TTC6: variants seen among roughly 807,000 people sequenced by gnomAD.
TTC6 encodes the protein tetratricopeptide repeat protein 6.
In TTC6, 172 loss-of-function variants were observed where a neutral mutation model predicts 210.4. The observed-to-expected ratio is 0.82, with a 90% CI of 0.72 to 0.93. TTC6 has a LOEUF of 0.93. Among genes scored for constraint, TTC6 ranks in the 40% least tolerant of loss-of-function variants. The pLI, the probability that TTC6 is intolerant of heterozygous loss-of-function variation, is 0.00. For missense variants in TTC6, 2,414 were observed against 2,318.1 expected (o/e 1.04, Z -0.85); for synonymous variants, 804 against 819.6 (o/e 0.98, Z 0.32).
rs537170009 is a variant in TTC6, at chr14:37,688,012, C to G, written c.1257+5048C>G. Among the ~76,000 whole-genome samples the G allele has an allele frequency of 4.6e-5, 7 of 152,230 alleles. No homozygotes were observed. In the South Asian group the frequency reaches 1.4e-3, roughly 32 times the overall value. ...GCTCTTGGGGTCCTTGAGTCCAGGA[C>G]TTGGCTCTTGTACACCATTTCTGGA... On this transcript the variant is annotated intron_variant, in intron 3 of 30. Coordinates refer to ENST00000553443, the Ensembl canonical transcript of TTC6.
intron 4 of TTC6, among the ~76,000 whole-genome samples, chr14:37,698,066 A>C (rs2095818053): frequency 6.6e-6 from 1 of 152,204 alleles, no homozygotes; most frequent in African/African-American, 2.4e-5. Context: ...AATTCATTAA[A>C]ACAAAAATTA....
chr14:37,709,230 G>T (rs1459439800), intron 5 of TTC6, among the ~76,000 whole-genome samples: 4 of 152,040 alleles, frequency 2.6e-5, no homozygotes. Flanking sequence ...GGTGATACAT[G>T]TCACAGAAGT....
chr14:37,827,066 TG>T, intron 28 of TTC6, 129 bp from the exon 31 acceptor site: 1 of 651,590 alleles, frequency 1.5e-6, no homozygotes, highest in Non-Finnish European at 2.4e-6. Context: ...TTTGTTCTAC[TG>T]GAGTTTTACA....
chr14:37,721,362 A>G (rs1392901137), intron 6 of TTC6, among the ~76,000 whole-genome samples: 1 of 152,206 alleles, frequency 6.6e-6, no homozygotes, highest in Non-Finnish European at 1.5e-5. Flanking sequence ...AGTATAATAC[A>G]CAATATCAAA....
intron 1 of TTC6, among the ~76,000 whole-genome samples, chr14:37,602,161 T>C (rs180881912): frequency 2.0e-5 from 3 of 152,310 alleles, no homozygotes; most frequent in African/African-American, 7.2e-5. Flanking sequence ...GCGCACCGAG[T>C]GTCACAGAAG....
At chr14:37,803,343 T>G (rs1461441364) in intron 20 of TTC6, among the ~76,000 whole-genome samples, 1 of 152,182 alleles carries the variant, frequency 6.6e-6, no homozygotes, top group African/African-American at 2.4e-5. Context: ...AAAAAATTTT[T>G]TTGAATTATA....
At chr14:37,811,500 GA>G (rs2096129504) in intron 24 of TTC6, among the ~76,000 whole-genome samples, 1 of 152,146 alleles carries the variant, frequency 6.6e-6, no homozygotes. Flanking sequence ...GGCATAATAA[GA>G]TTTAGCCCTT....
chr14:37,722,495 A>T (rs966459388), intron 6 of TTC6, among the ~76,000 whole-genome samples: 3 of 152,152 alleles, frequency 2.0e-5, no homozygotes, highest in Non-Finnish European at 4.4e-5. Context: ...CTACAGGCAC[A>T]TGCCATTACA....
At chr14:37,622,274 C>G (rs1337539071) in exon 1 of TTC6, 3 of 1,535,122 alleles carry the variant, frequency 2.0e-6, no homozygotes, top group African/African-American at 2.7e-5. Flanking sequence ...GCGCCGCAGC[C>G]CGGACGTCGA....
exon 1 of TTC6, chr14:37,622,470 C>G: frequency 6.5e-7 from 1 of 1,535,260 alleles, no homozygotes. Context: ...CCTGAAAAAG[C>G]CCCCAGTCAT....
chr14:37,790,714 A>G lies in TTC6; in HGVS notation c.3437-3A>G. 2 of 1,531,660 alleles carry G rather than the reference A, an allele frequency of 1.3e-6. No homozygotes were observed. Among genetic ancestry groups the G allele is most frequent in the Non-Finnish European group, 1.7e-6 (2 of 1,143,602 alleles). 94.9% of individuals were successfully genotyped at this position (1,531,660 alleles called of 1,614,324 possible). ...TGAAATACATTTTTTTAAACTTTTTAAGCACTCATAAATGATGGCTATGAG... is the reference window on the plus strand; with the variant it reads ...TGAAATACATTTTTTTAAACTTTTTGAGCACTCATAAATGATGGCTATGAG... On this transcript the variant is annotated splice_region_variant and splice_polypyrimidine_tract_variant and intron_variant, in intron 15 of 30. Coordinates refer to ENST00000553443, the Ensembl canonical transcript of TTC6.
At chr14:37,735,832 A>G in intron 7 of TTC6, 89 bp from the exon 10 acceptor site, 1 of 697,922 alleles carries the variant, frequency 1.4e-6, no homozygotes, top group South Asian at 2.3e-5. Flanking sequence ...TTCTTTTGTT[A>G]ATAATGTTGT....
At chr14:37,768,784 A>G (rs2096007668) in intron 14 of TTC6, among the ~76,000 whole-genome samples, 1 of 152,088 alleles carries the variant, frequency 6.6e-6, no homozygotes, top group East Asian at 1.9e-4. Flanking sequence ...CTAATTGAAT[A>G]CCCTTTATTT....
rs771111924 is a variant in TTC6 at position 37,812,376 on chromosome 14, C to T, written c.4632C>T (p.Thr1544=). 1.6e-5 allele frequency: 26 copies of T among 1,613,158 alleles called. No individual in the cohort carries two copies. In the South Asian group the frequency reaches 2.9e-4, roughly 18 times the overall value. Residue 1544 remains threonine (T), a synonymous_variant, in exon 25 of 31, where the codon ACC becomes ACT. Coordinates refer to ENST00000553443, the Ensembl canonical transcript of TTC6. ...CTACAGAAACTGTAAAACTAAATAC[C>T]TTCCTTAATCGTGGACTCATCTACG...
rs192695225 is a variant in TTC6, at chr14:37,826,182, A to G, written c.4975-13A>G. ...AGTATTTCCTACTTCGTGTAATTGG[A>G]AAATTATTTTAGGCCCAAGGAAAAT... On this transcript the variant is annotated splice_polypyrimidine_tract_variant and intron_variant, in intron 27 of 30. Transcript: ENST00000553443. The G allele has an allele frequency of 2.5e-6, 4 of 1,570,508 alleles. No homozygotes were observed. The East Asian group carries it at 9.0e-5, about 35-fold the overall frequency.
At chr14:37,714,618 C>T (rs1196516462) in intron 5 of TTC6, 37 bp from the exon 8 acceptor site, 1 of 1,516,530 alleles carries the variant, frequency 6.6e-7, no homozygotes, top group Non-Finnish European at 8.8e-7. Flanking sequence ...TTGTCAATTA[C>T]TTAAAAAGCA....
intron 14 of TTC6, among the ~76,000 whole-genome samples, chr14:37,769,625 A>G (rs540585629): frequency 6.6e-6 from 1 of 152,166 alleles, no homozygotes; most frequent in South Asian, 2.1e-4. Flanking sequence ...GGTAGTTTGT[A>G]TTTCTGTGGG....
chr14:37,821,411 G>A (rs149784309), intron 26 of TTC6, among the ~76,000 whole-genome samples: 5 of 152,206 alleles, frequency 3.3e-5, no homozygotes, highest in East Asian at 1.9e-4. Context: ...AGGAAAGAGA[G>A]CACAATTTCA....
At chr14:37,827,197 T>C (rs554666201) in exon 29 of TTC6, 1 of 1,609,210 alleles carries the variant, frequency 6.2e-7, no homozygotes, top group South Asian at 1.1e-5. Flanking sequence ...ATACTGCAGA[T>C]CAGTACTACA....
Sources: gnomAD v4.1 joint callset for allele counts (sites outside exome capture counted in the v4.1 genomes callset) on GRCh38, gnomAD v4.1.1 for gene constraint, MANE v1.5 for transcripts, NCBI Gene and HGNC (gene_info 2026-07-23, HGNC 2026-07-21) for gene names.